ARID4A: variants seen among roughly 807,000 people sequenced by gnomAD.
ARID4A encodes AT-rich interaction domain 4A, also known as AT-rich interactive domain-containing protein 4A.
In ARID4A, 39 loss-of-function variants were observed where a neutral mutation model predicts 148.6. That is an observed-to-expected ratio of 0.26 (90% CI 0.20 to 0.34). The LOEUF (loss-of-function observed/expected upper bound fraction) is 0.34, where lower values mean the gene tolerates loss of function less well. Ranked by LOEUF, ARID4A falls within the 10% of genes least tolerant of loss-of-function variation. The probability of loss-of-function intolerance (pLI) is 1.00; values close to 1 mark genes in which losing one functional copy is unlikely to be tolerated. For missense variants in ARID4A, 1,265 were observed against 1,449.1 expected, an observed-to-expected ratio of 0.87 and a Z score of 2.06; for synonymous variants, 475 against 481.2, an observed-to-expected ratio of 0.99 and a Z score of 0.17.
At chr14:58,355,434 A>C (rs1651573836) in intron 17 of ARID4A, among the ~76,000 whole-genome samples, 1 of 152,232 alleles carries the variant, frequency 6.6e-6, no homozygotes, top group Non-Finnish European at 1.5e-5. Flanking sequence ...TTAATGTATA[A>C]ATTAAGCACA....
rs759267851 is a variant in ARID4A, at chr14:58,365,494, A to G, written c.3212-24A>G. Reference sequence around the variant, plus strand: ...TTTTTTTTTTTTTTTTTTTTTCAACATTCTCTCTTTCCCCTTATTTCAGGT... The same window carrying G: ...TTTTTTTTTTTTTTTTTTTTTCAACGTTCTCTCTTTCCCCTTATTTCAGGT... On this transcript the variant is annotated intron_variant, in intron 20 of 23. Coordinates refer to ENST00000355431, the MANE Select transcript of ARID4A (RefSeq NM_002892.4). The G allele has an allele frequency of 5.4e-6, 5 of 933,600 alleles. No homozygotes were observed. In the South Asian group the frequency reaches 9.7e-5, roughly 18 times the overall value. The allele number at this position is 933,600 out of a possible 1,614,324, so 57.8% of individuals were successfully genotyped here. A position where few individuals can be genotyped will look rare whatever the true frequency, so the allele number is the denominator to read the frequency against.
At chr14:58,369,192 A>G (rs1295838139) in intron 23 of ARID4A, among the ~76,000 whole-genome samples, 1 of 152,226 alleles carries the variant, frequency 6.6e-6, no homozygotes, top group Non-Finnish European at 1.5e-5. Flanking sequence ...TTGAATAAAC[A>G]AGAGGAAGTT....
rs1422799530 is a variant in ARID4A at position 58,372,130 on chromosome 14, A to G, written c.*141A>G. ...TACTTTTCCAGGCTGGATTGTATCTATTCCCCTCTCTCTTCTTTTTTCTTG... is the reference window on the plus strand; with the variant it reads ...TACTTTTCCAGGCTGGATTGTATCTGTTCCCCTCTCTCTTCTTTTTTCTTG... On this transcript the variant is annotated 3_prime_UTR_variant, in exon 24 of 24. Transcript: ENST00000355431. 1.7e-5 allele frequency: 10 copies of G among 583,522 alleles called. No individual in the cohort carries two copies. Among genetic ancestry groups the G allele is most frequent in the South Asian group, 1.2e-4 (5 of 40,768 alleles). 36.1% of individuals were successfully genotyped at this position (583,522 alleles called of 1,614,324 possible).
chr14:58,329,864 A>G, intron 10 of ARID4A, 139 bp from the exon 11 acceptor site: 1 of 1,357,046 alleles, frequency 7.4e-7, no homozygotes, highest in Non-Finnish European at 1.0e-6. Flanking sequence ...AACTTATGAA[A>G]TATGTTAAAG....
rs763936973 is a variant in ARID4A at position 58,371,854 on chromosome 14, TTGGATCTAACATAG to T, written c.3671-30_3671-17del. 8 of 1,529,956 alleles carry T rather than the reference TTGGATCTAACATAG, an allele frequency of 5.2e-6. No individual in the cohort carries two copies. The highest frequency in any genetic ancestry group is 6.3e-6 in the Non-Finnish European group (7 of 1,104,520). 94.8% of individuals were successfully genotyped at this position (1,529,956 alleles called of 1,614,324 possible). ...GCTGGGTATCTTTGTGTAACAGTTT[TTGGATCTAACATAG>T]TTGTTTTGATTCCACAGTGTCTCAT... On this transcript the variant is annotated intron_variant, in intron 23 of 23. Transcript: ENST00000355431.
intron 11 of ARID4A, among the ~76,000 whole-genome samples, chr14:58,339,147 A>ATTT (rs560057868): frequency 6.9e-6 from 1 of 145,660 alleles, no homozygotes; most frequent in Non-Finnish European, 1.5e-5. Flanking sequence ...ATTTATTATT[A>ATTT]TTTTTTTTTT....
intron 4 of ARID4A, 41 bp from the exon 5 acceptor site, chr14:58,305,981 T>C: frequency 6.9e-7 from 1 of 1,459,740 alleles, no homozygotes; most frequent in Non-Finnish European, 9.6e-7. Context: ...TTTGGTTTAT[T>C]TGTTTAAATT....
chr14:58,326,926 G>T (rs2033248216), intron 8 of ARID4A, among the ~76,000 whole-genome samples: 1 of 151,840 alleles, frequency 6.6e-6, no homozygotes, highest in South Asian at 2.1e-4. Context: ...TTTTATGTTT[G>T]CCCCTCCAGT....
At chr14:58,325,223 C>T (rs2033145612) in intron 8 of ARID4A, among the ~76,000 whole-genome samples, 1 of 152,182 alleles carries the variant, frequency 6.6e-6, no homozygotes, top group African/African-American at 2.4e-5. Flanking sequence ...TTAAATATCT[C>T]TTAAAGTTCA....
intron 3 of ARID4A, among the ~76,000 whole-genome samples, chr14:58,302,258 C>CT (rs1830579698): frequency 2.0e-5 from 3 of 152,162 alleles, no homozygotes; most frequent in Non-Finnish European, 4.4e-5. Flanking sequence ...CTTTGGGAGG[C>CT]TGAGGTGGGT....
intron 18 of ARID4A, among the ~76,000 whole-genome samples, chr14:58,359,607 C>T (rs569784642): frequency 4.3e-4 from 66 of 152,222 alleles, no homozygotes; most frequent in Non-Finnish European, 8.8e-4. Flanking sequence ...ATTCTTACCC[C>T]CACCCCAGCC....
intron 11 of ARID4A, among the ~76,000 whole-genome samples, chr14:58,335,893 T>TA (rs1345783915): frequency 6.6e-6 from 1 of 152,162 alleles, no homozygotes; most frequent in Non-Finnish European, 1.5e-5. Context: ...CTGCCAATCT[T>TA]ACTCCAAGCC....
chr14:58,300,169 T>C (rs1018082059), intron 2 of ARID4A, among the ~76,000 whole-genome samples: 2 of 152,196 alleles, frequency 1.3e-5, no homozygotes, highest in Admixed American at 6.5e-5. Context: ...TTTGTCCTGC[T>C]TTGGTTCTTT....
At chr14:58,365,441 G>A in intron 20 of ARID4A, 77 bp from the exon 21 acceptor site, 1 of 1,134,430 alleles carries the variant, frequency 8.8e-7, no homozygotes, top group Admixed American at 2.9e-5. Flanking sequence ...AAATGTCAGT[G>A]TAGTCTGTTG....
intron 5 of ARID4A, 26 bp from the exon 6 acceptor site, chr14:58,318,516 T>C: frequency 6.2e-7 from 1 of 1,607,862 alleles, no homozygotes; most frequent in Non-Finnish European, 8.5e-7. Context: ...GTGCATAAAT[T>C]CTCTGTTATC....
chr14:58,350,963 A>G, intron 15 of ARID4A, 110 bp from the exon 16 acceptor site: 3 of 1,134,644 alleles, frequency 2.6e-6, no homozygotes, highest in South Asian at 1.9e-5. Flanking sequence ...TTTCAGGGCC[A>G]CGTTTCAAGC....
chr14:58,357,412 T>A (rs1251621464), intron 17 of ARID4A, among the ~76,000 whole-genome samples: 1 of 152,192 alleles, frequency 6.6e-6, no homozygotes, highest in Non-Finnish European at 1.5e-5. Context: ...GTCCTTACTT[T>A]GTACATCTCC....
chr14:58,347,131 T>C lies in ARID4A; in HGVS notation c.1172+14T>C. The C allele has an allele frequency of 7.6e-7, 1 of 1,321,194 alleles. No homozygotes were observed. Among genetic ancestry groups the C allele is most frequent in the Non-Finnish European group, 1.0e-6 (1 of 952,702 alleles). 81.8% of individuals were successfully genotyped at this position (1,321,194 alleles called of 1,614,324 possible). Reference sequence around the variant, plus strand: ...TGCTTATAGAAAGTAAGTAGTATAGTTTATTCATCAAAGAATATATATTTA... The same window carrying C: ...TGCTTATAGAAAGTAAGTAGTATAGCTTATTCATCAAAGAATATATATTTA... On this transcript the variant is annotated intron_variant, in intron 14 of 23. Transcript: ENST00000355431.
intron 19 of ARID4A, among the ~76,000 whole-genome samples, chr14:58,363,283 A>G (rs528554512): frequency 6.6e-6 from 1 of 152,352 alleles, no homozygotes; most frequent in South Asian, 2.1e-4. Flanking sequence ...TTTAGATCCT[A>G]TACAGTCTTA....
Sources: allele counts gnomAD v4.1 joint callset (sites outside exome capture counted in the v4.1 genomes callset), GRCh38; gene constraint gnomAD v4.1.1; transcripts MANE v1.5; gene names NCBI Gene and HGNC (gene_info 2026-07-23, HGNC 2026-07-21).